Variants in NXPE2 observed in about 807,000 individuals in gnomAD.
NXPE2 encodes the protein neurexophilin and PC-esterase domain family member 2.
A neutral mutation model predicts 34.4 loss-of-function variants in NXPE2; 34 were observed. The observed-to-expected ratio is 0.99, with a 90% CI of 0.75 to 1.31. The LOEUF (loss-of-function observed/expected upper bound fraction) is 1.31, where lower values mean the gene tolerates loss of function less well. NXPE2 is among the 40% of genes most tolerant of loss of function. The pLI is 0.00. For missense variants in NXPE2, 649 were observed against 672.5 expected, an observed-to-expected ratio of 0.97 and a Z score of 0.39; for synonymous variants, 235 against 231.3, an observed-to-expected ratio of 1.02 and a Z score of -0.15.
At chr11:114,505,563 G>T in the NXPE2 span, among the ~76,000 whole-genome samples, 1 of 152,074 alleles carries the variant, frequency 6.6e-6, no homozygotes, top group African/African-American at 2.4e-5. Flanking sequence ...GAGATTGAGG[G>T]TCAATATTCA....
At chr11:114,570,918 AT>A in the NXPE2 span, 1 of 1,524,122 alleles carries the variant, frequency 6.6e-7, no homozygotes, top group Non-Finnish European at 8.9e-7. Context: ...AAGTGAATGA[AT>A]TTCAGACTTT....
the NXPE2 span, among the ~76,000 whole-genome samples, chr11:114,629,479 G>T: frequency 6.6e-6 from 1 of 151,120 alleles, no homozygotes; most frequent in Non-Finnish European, 1.5e-5. Flanking sequence ...AACCCTTCAT[G>T]CTAAAAACTC....
At chr11:114,655,687 T>G in the NXPE2 span, among the ~76,000 whole-genome samples, 2 of 152,186 alleles carry the variant, frequency 1.3e-5, no homozygotes, top group Admixed American at 6.6e-5. Flanking sequence ...GGTCTATATA[T>G]CTGTTTTGGT....
the NXPE2 span, among the ~76,000 whole-genome samples, chr11:114,470,213 G>A: frequency 2.0e-5 from 3 of 152,060 alleles, no homozygotes; most frequent in East Asian, 1.9e-4. Flanking sequence ...GAATACCTAC[G>A]AATGGAATGG....
At chr11:114,516,761 CT>C in the NXPE2 span, among the ~76,000 whole-genome samples, 1 of 152,228 alleles carries the variant, frequency 6.6e-6, no homozygotes, top group East Asian at 1.9e-4. Context: ...CATGCTGTTC[CT>C]TCTGGAATGC....
the NXPE2 span, among the ~76,000 whole-genome samples, chr11:114,783,000 C>T: frequency 6.6e-6 from 1 of 152,174 alleles, no homozygotes; most frequent in Non-Finnish European, 1.5e-5. Context: ...GTTAAAAACG[C>T]ATAACTCGAA....
At chr11:114,664,427 C>T in the NXPE2 span, among the ~76,000 whole-genome samples, 52 of 152,006 alleles carry the variant, frequency 3.4e-4, no homozygotes, top group East Asian at 8.1e-3. Context: ...GTTACATTAT[C>T]GTCGAAACTT....
chr11:114,580,329 A>T, the NXPE2 span: 1 of 1,613,812 alleles, frequency 6.2e-7, no homozygotes, highest in Non-Finnish European at 8.5e-7. Context: ...TTTCATTGCA[A>T]CTGTTTCTTC....
chr11:114,760,083 G>T, the NXPE2 span, among the ~76,000 whole-genome samples: 4 of 151,996 alleles, frequency 2.6e-5, no homozygotes, highest in African/African-American at 9.7e-5. Context: ...ATTAGCATTG[G>T]GTGCTATGGT....
At chr11:114,763,840 G>A in the NXPE2 span, among the ~76,000 whole-genome samples, 2 of 152,098 alleles carry the variant, frequency 1.3e-5, no homozygotes, top group Non-Finnish European at 2.9e-5. Context: ...AACATTTTTG[G>A]TAGGGTATGA....
chr11:114,616,398 G>C, the NXPE2 span, among the ~76,000 whole-genome samples: 2 of 151,326 alleles, frequency 1.3e-5, no homozygotes, highest in Non-Finnish European at 2.9e-5. Context: ...TTGTTGCCTC[G>C]TGGGTAACCG....
the NXPE2 span, among the ~76,000 whole-genome samples, chr11:114,796,002 T>TATCA: frequency 2.0e-5 from 3 of 152,182 alleles, no homozygotes; most frequent in Admixed American, 6.5e-5. Context: ...AGAATTCCCC[T>TATCA]ATCAGCCATG....
chr11:114,537,237 A>C, the NXPE2 span, among the ~76,000 whole-genome samples: 1 of 152,216 alleles, frequency 6.6e-6, no homozygotes, highest in African/African-American at 2.4e-5. Context: ...ACAACCCTTC[A>C]TGCTAAAAAC....
At chr11:114,471,879 G>C in the NXPE2 span, among the ~76,000 whole-genome samples, 2 of 152,242 alleles carry the variant, frequency 1.3e-5, no homozygotes, top group East Asian at 3.9e-4. Context: ...TAGAATAAAA[G>C]CAAAAACAAG....
At chr11:114,709,680 C>T (rs368289986), downstream of NXPE2, among the ~76,000 whole-genome samples, 11 of 152,054 alleles carry the variant, frequency 7.2e-5, no homozygotes, top group African/African-American at 2.2e-4. Context: ...CCAAGGCGGG[C>T]GGATCATGAG....
chr11:114,749,620 T>G, the NXPE2 span, among the ~76,000 whole-genome samples: 5 of 152,224 alleles, frequency 3.3e-5, no homozygotes, highest in Non-Finnish European at 5.9e-5. Context: ...TCCCTTTTCA[T>G]TTTTGTAATG....
chr11:114,631,137 T>A, the NXPE2 span, among the ~76,000 whole-genome samples: 1 of 151,970 alleles, frequency 6.6e-6, no homozygotes, highest in African/African-American at 2.4e-5. Flanking sequence ...GATCTAGAAC[T>A]AGAAATACCA....
the NXPE2 span, among the ~76,000 whole-genome samples, chr11:114,476,404 C>T: frequency 1.3e-5 from 2 of 152,138 alleles, no homozygotes; most frequent in Non-Finnish European, 1.5e-5. Context: ...CAAATATATC[C>T]TCTTCTTCCA....
the NXPE2 span, among the ~76,000 whole-genome samples, chr11:114,601,430 T>C: frequency 1.2e-4 from 16 of 132,022 alleles, no homozygotes; most frequent in Admixed American, 1.9e-4. Flanking sequence ...TTTTGTTCTT[T>C]TTAAATTTAT....
Sources: gnomAD v4.1 joint callset for allele counts (sites outside exome capture counted in the v4.1 genomes callset) on GRCh38, gnomAD v4.1.1 for gene constraint, MANE v1.5 for transcripts, NCBI Gene and HGNC (gene_info 2026-07-23, HGNC 2026-07-21) for gene names.